Variants in SNX29 observed in about 807,000 individuals in gnomAD.
The protein encoded by SNX29 is sorting nexin-29.
Under a neutral mutation model 102.1 loss-of-function variants are expected in SNX29, and 78 were observed. The ratio of observed to expected loss-of-function variants is 0.76; its 90% CI spans 0.64 to 0.92. The LOEUF (loss-of-function observed/expected upper bound fraction) is 0.92. SNX29 is among the 40% of genes least tolerant of loss of function. SNX29 has a pLI of 0.00. For missense variants in SNX29, 1,280 were observed against 1,061.7 expected, an observed-to-expected ratio of 1.21 and a Z score of -2.86; for synonymous variants, 580 against 414.5, an observed-to-expected ratio of 1.40 and a Z score of -4.85.
chr16:12,298,375 T>G (rs1004657362), intron 15 of SNX29, among the ~76,000 whole-genome samples: 4 of 152,210 alleles, frequency 2.6e-5, no homozygotes, highest in African/African-American at 4.8e-5. Flanking sequence ...GGCTGATGTT[T>G]ATCACCTTCT....
chr16:12,126,637 A>C lies in SNX29; in HGVS notation c.1407A>C (p.Glu469Asp). 6.2e-7 allele frequency: 1 copy of C among 1,613,974 alleles called. No homozygotes were observed. The highest frequency in any genetic ancestry group is 8.5e-7 in the Non-Finnish European group (1 of 1,179,874). The change falls in exon 12 of 21, where the codon GAA (glutamate) becomes GAC (aspartate). Residue 469 changes from glutamate to aspartate, a missense_variant. Glu to Asp is a conservative substitution (Grantham distance 45). Coordinates refer to ENST00000566228, the MANE Select transcript of SNX29 (RefSeq NM_032167.5). ...ASVPESMTISELRQATVAMMN... is the reference protein window; with the variant it reads ...ASVPESMTISDLRQATVAMMN... ...GACTTTGTTTTCTTCCCTTAGGTGA[A>C]CTGCGCCAGGCCACTGTGGCCATGA... is the stretch of plus-strand genomic sequence containing the variant.
chr16:12,110,582 G>C (rs574929626), intron 11 of SNX29, among the ~76,000 whole-genome samples: 30 of 152,188 alleles, frequency 2.0e-4, no homozygotes, highest in African/African-American at 6.3e-4. Context: ...GACTCCCTTT[G>C]GTTTCTGAAG....
chr16:12,206,953 C>G (rs2077060315), intron 14 of SNX29, among the ~76,000 whole-genome samples: 2 of 151,558 alleles, frequency 1.3e-5, no homozygotes, highest in African/African-American at 4.8e-5. Flanking sequence ...TACAAATGTG[C>G]TGACACTCTC....
intron 16 of SNX29, among the ~76,000 whole-genome samples, chr16:12,377,405 A>T (rs1483239138): frequency 6.6e-6 from 1 of 152,196 alleles, no homozygotes; most frequent in African/African-American, 2.4e-5. Context: ...GGCCAAGCAC[A>T]TTCTGACTCT....
intron 20 of SNX29, among the ~76,000 whole-genome samples, chr16:12,552,099 G>T (rs1198775125): frequency 6.6e-6 from 1 of 152,228 alleles, no homozygotes; most frequent in Middle Eastern, 3.2e-3. Flanking sequence ...GCTATCCTCA[G>T]TGAGTGTAAC....
chr16:12,398,330 C>T, intron 16 of SNX29, 116 bp from the exon 17 acceptor site: 4 of 1,144,858 alleles, frequency 3.5e-6, no homozygotes, highest in Admixed American at 1.9e-5. Context: ...TTTTTCACTT[C>T]ATTCTGAATA....
At chr16:12,225,017 G>C (rs1468594187) in intron 14 of SNX29, among the ~76,000 whole-genome samples, 2 of 152,174 alleles carry the variant, frequency 1.3e-5, no homozygotes, top group Non-Finnish European at 2.9e-5. Flanking sequence ...TTGCAAACCA[G>C]CCTGTGGATC....
intron 18 of SNX29, among the ~76,000 whole-genome samples, chr16:12,454,983 A>G (rs1311674668): frequency 6.6e-6 from 1 of 152,138 alleles, no homozygotes; most frequent in Admixed American, 6.5e-5. Flanking sequence ...CCTGACCTCA[A>G]GTGATCCACC....
intron 3 of SNX29, among the ~76,000 whole-genome samples, chr16:12,013,501 ATATATATATATAT>A (rs1362252950): frequency 0.012 from 499 of 40,898 alleles, 65 homozygotes; most frequent in South Asian, 0.058. Context: ...AAAAAAAAAA[ATATATATATATAT>A]ATATATATAT....
At chr16:12,558,484 C>CTAA (rs2078513229) in intron 20 of SNX29, among the ~76,000 whole-genome samples, 3 of 152,208 alleles carry the variant, frequency 2.0e-5, no homozygotes, top group African/African-American at 7.2e-5. Context: ...AAGTTAAGCA[C>CTAA]AGTGCATCTT....
At chr16:12,334,039 G>C (rs960826450) in intron 15 of SNX29, among the ~76,000 whole-genome samples, 3 of 152,148 alleles carry the variant, frequency 2.0e-5, no homozygotes, top group Non-Finnish European at 4.4e-5. Context: ...TTAATTTTTA[G>C]ACGGCCTTGT....
chr16:12,279,852 G>C (rs2079376118), intron 15 of SNX29, among the ~76,000 whole-genome samples: 1 of 152,220 alleles, frequency 6.6e-6, no homozygotes, highest in Non-Finnish European at 1.5e-5. Flanking sequence ...TTCTCAGAAT[G>C]AAAGTGCAGG....
intron 19 of SNX29, among the ~76,000 whole-genome samples, chr16:12,487,976 C>G (rs1243281373): frequency 1.3e-5 from 2 of 152,060 alleles, no homozygotes; most frequent in Non-Finnish European, 2.9e-5. Context: ...GGAGAGCAAC[C>G]ACTAACGTCA....
At chr16:11,998,591 G>T (rs913521993) in intron 1 of SNX29, among the ~76,000 whole-genome samples, 2 of 152,136 alleles carry the variant, frequency 1.3e-5, no homozygotes, top group African/African-American at 2.4e-5. Context: ...ACTTCGTGGT[G>T]GCAAAATGCT....
intron 17 of SNX29, among the ~76,000 whole-genome samples, chr16:12,400,287 C>T (rs991527826): frequency 1.3e-5 from 2 of 152,208 alleles, no homozygotes; most frequent in African/African-American, 4.8e-5. Flanking sequence ...GGCAGTTCCG[C>T]TCCTCTAACC....
chr16:12,554,898 G>A (rs528232313), intron 20 of SNX29, among the ~76,000 whole-genome samples: 2 of 152,294 alleles, frequency 1.3e-5, no homozygotes, highest in East Asian at 3.9e-4. Context: ...ATACAGGACA[G>A]GCAGTGCAGG....
chr16:12,063,347 T>C (rs2050859582), intron 9 of SNX29, among the ~76,000 whole-genome samples: 1 of 144,526 alleles, frequency 6.9e-6, no homozygotes, highest in Non-Finnish European at 1.5e-5. Context: ...TCTGCCCACC[T>C]CTTCTTTTCC....
At chr16:12,319,100 C>T (rs892365853) in intron 15 of SNX29, among the ~76,000 whole-genome samples, 8 of 152,102 alleles carry the variant, frequency 5.3e-5, no homozygotes, top group African/African-American at 1.9e-4. Context: ...CTTCAAGGCC[C>T]AGGAAAGGCC....
intron 12 of SNX29, 57 bp downstream of exon 12, chr16:12,126,753 G>C: frequency 6.3e-7 from 1 of 1,588,846 alleles, no homozygotes; most frequent in Non-Finnish European, 8.6e-7. Flanking sequence ...CTGCCTCTGG[G>C]GAAGACAGAA....
Sources: gnomAD v4.1 joint callset for allele counts (sites outside exome capture counted in the v4.1 genomes callset) on GRCh38, gnomAD v4.1.1 for gene constraint, MANE v1.5 for transcripts, NCBI Gene and HGNC (gene_info 2026-07-23, HGNC 2026-07-21) for gene names.